RBMS3: variants seen among roughly 807,000 people sequenced by gnomAD.
RBMS3 encodes the protein RNA-binding motif, single-stranded-interacting protein 3.
In RBMS3, 27 loss-of-function variants were observed where a neutral mutation model predicts 66.8. The ratio of observed to expected loss-of-function variants is 0.40; its 90% CI spans 0.30 to 0.56. The LOEUF (loss-of-function observed/expected upper bound fraction) is 0.56. Ranked by LOEUF, RBMS3 falls within the 20% of genes least tolerant of loss-of-function variation. The pLI, the probability that RBMS3 is intolerant of heterozygous loss-of-function variation, is 0.40. For missense variants in RBMS3, 513 were observed against 549.5 expected, an observed-to-expected ratio of 0.93 and a Z score of 0.66; for synonymous variants, 188 against 183.0, an observed-to-expected ratio of 1.03 and a Z score of -0.22.
chr3:29,628,486 C>G (rs2049151919), intron 4 of RBMS3, among the ~76,000 whole-genome samples: 1 of 152,106 alleles, frequency 6.6e-6, no homozygotes, highest in South Asian at 2.1e-4. Flanking sequence ...GTATCCAACT[C>G]TTATGACTAC....
chr3:29,998,773 G>A (rs1473497664), intron 14 of RBMS3, among the ~76,000 whole-genome samples: 1 of 147,774 alleles, frequency 6.8e-6, no homozygotes, highest in Non-Finnish European at 1.5e-5. Context: ...ATTCAAGATG[G>A]ATGGATTAAA....
chr3:29,563,043 C>T (rs758278725), intron 3 of RBMS3, among the ~76,000 whole-genome samples: 3 of 152,108 alleles, frequency 2.0e-5, no homozygotes, highest in Non-Finnish European at 2.9e-5. Context: ...GTAGATTTAA[C>T]GCTTTGATCT....
intron 1 of RBMS3, among the ~76,000 whole-genome samples, chr3:29,335,779 A>T (rs1373099927): frequency 1.3e-5 from 2 of 152,058 alleles, no homozygotes; most frequent in African/African-American, 2.4e-5. Context: ...AAGAGACTAA[A>T]AGATACATTT....
At chr3:29,830,070 G>C (rs1331305285) in intron 6 of RBMS3, among the ~76,000 whole-genome samples, 3 of 151,752 alleles carry the variant, frequency 2.0e-5, no homozygotes, top group East Asian at 3.9e-4. Flanking sequence ...AAGCCATTCT[G>C]TTTCTTTGGG....
intron 12 of RBMS3, among the ~76,000 whole-genome samples, chr3:29,948,047 T>C (rs1695438750): frequency 6.6e-6 from 1 of 151,592 alleles, no homozygotes; most frequent in African/African-American, 2.4e-5. Context: ...TGGAGCATAT[T>C]TTCATTCTTT....
intron 3 of RBMS3, among the ~76,000 whole-genome samples, chr3:29,563,538 A>G (rs899896369): frequency 6.6e-6 from 1 of 152,212 alleles, no homozygotes; most frequent in Non-Finnish European, 1.5e-5. Flanking sequence ...TATCATCAAA[A>G]AAGGAGCCCA....
chr3:29,428,465 A>G (rs1282658864), intron 1 of RBMS3, among the ~76,000 whole-genome samples: 2 of 152,138 alleles, frequency 1.3e-5, no homozygotes, highest in Non-Finnish European at 1.5e-5. Flanking sequence ...CCTGCAGACA[A>G]GTGTTCATCA....
intron 3 of RBMS3, among the ~76,000 whole-genome samples, 166 bp downstream of exon 3, chr3:29,488,665 T>C (rs1485745240): frequency 6.6e-6 from 1 of 152,230 alleles, no homozygotes; most frequent in Non-Finnish European, 1.5e-5. Context: ...CTAGTAACAT[T>C]GCTCATTCAT....
intron 4 of RBMS3, among the ~76,000 whole-genome samples, chr3:29,653,905 C>T (rs1287826194): frequency 6.6e-6 from 1 of 152,186 alleles, no homozygotes; most frequent in East Asian, 1.9e-4. Context: ...ACTCCAAGGT[C>T]TGCCTTGTCA....
intron 11 of RBMS3, among the ~76,000 whole-genome samples, chr3:29,941,805 A>G (rs1178285416): frequency 1.3e-5 from 2 of 151,858 alleles, no homozygotes; most frequent in East Asian, 3.9e-4. Context: ...AAAGAAACAG[A>G]AACAGTAATT....
intron 3 of RBMS3, among the ~76,000 whole-genome samples, chr3:29,548,589 C>T (rs1002494633): frequency 4.6e-5 from 7 of 151,556 alleles, no homozygotes; most frequent in African/African-American, 1.7e-4. Context: ...ACAATAACAA[C>T]AGTACTTTAT....
intron 1 of RBMS3, among the ~76,000 whole-genome samples, chr3:29,413,073 A>G (rs1162755925): frequency 6.6e-6 from 1 of 152,202 alleles, no homozygotes; most frequent in Non-Finnish European, 1.5e-5. Context: ...ACATAAGAAA[A>G]AGAGAGGCAG....
At chr3:29,488,575 A>G (rs898437290) in intron 3 of RBMS3, 76 bp downstream of exon 3, 2 of 1,328,692 alleles carry the variant, frequency 1.5e-6, no homozygotes, top group East Asian at 2.4e-5. Context: ...GTGGAGGTCC[A>G]GGTACCAGCT....
At chr3:29,288,818 G>A (rs2032577950) in intron 1 of RBMS3, among the ~76,000 whole-genome samples, 2 of 151,990 alleles carry the variant, frequency 1.3e-5, no homozygotes, top group South Asian at 2.1e-4. Flanking sequence ...TAGAAAACGT[G>A]GGAACTGAAT....
At chr3:29,696,800 A>G (rs975071372) in intron 4 of RBMS3, among the ~76,000 whole-genome samples, 4 of 152,138 alleles carry the variant, frequency 2.6e-5, no homozygotes, top group African/African-American at 9.7e-5. Context: ...GGGTGACTGC[A>G]GGTCAATACC....
chr3:29,329,824 A>G lies in RBMS3; in HGVS notation c.75+48068A>G, dbSNP rs1013086915. Among the ~76,000 whole-genome samples the G allele has an allele frequency of 1.5e-4, 22 of 148,198 alleles. 1 individual carries two copies. The South Asian group carries it at 2.9e-3, about 20-fold the overall frequency. On this transcript the variant is annotated intron_variant, in intron 1 of 14. Coordinates refer to ENST00000383767, the MANE Select transcript of RBMS3 (RefSeq NM_001003793.3). ...TATAGATTATATATATTATATGTAT[A>G]TTTTATAAATCATGTGAAAAATTTT...
At chr3:29,662,131 T>C (rs2149231066) in intron 4 of RBMS3, among the ~76,000 whole-genome samples, 1 of 152,342 alleles carries the variant, frequency 6.6e-6, no homozygotes, top group East Asian at 1.9e-4. Context: ...TATAGGGGAT[T>C]GTTCTGTTAA....
intron 2 of RBMS3, among the ~76,000 whole-genome samples, chr3:29,483,400 G>T (rs996171554): frequency 4.6e-5 from 7 of 152,010 alleles, no homozygotes; most frequent in Non-Finnish European, 8.8e-5. Context: ...TTTGCTGTTT[G>T]TGTGTTAGTC....
intron 6 of RBMS3, among the ~76,000 whole-genome samples, chr3:29,853,636 G>A (rs1235472006): frequency 1.3e-5 from 2 of 151,930 alleles, no homozygotes; most frequent in Non-Finnish European, 2.9e-5. Context: ...ATTTTAATGA[G>A]CTCTCTTTAC....
Sources: allele counts gnomAD v4.1 joint callset (sites outside exome capture counted in the v4.1 genomes callset), GRCh38; gene constraint gnomAD v4.1.1; transcripts MANE v1.5; gene names NCBI Gene and HGNC (gene_info 2026-07-23, HGNC 2026-07-21).